The following BBX variants were observed in gnomAD, a reference collection of about 807,000 sequenced individuals.
The protein encoded by BBX is HMG box transcription factor BBX.
In BBX, 30 loss-of-function variants were observed where a neutral mutation model predicts 100.2. That is an observed-to-expected ratio of 0.30 (90% CI 0.22 to 0.41). The LOEUF is 0.41. Among genes scored for constraint, BBX ranks in the 10% least tolerant of loss-of-function variants. The pLI is 1.00. For missense variants in BBX, 1,023 were observed against 1,129.8 expected, an observed-to-expected ratio of 0.91 and a Z score of 1.35; for synonymous variants, 376 against 388.1, an observed-to-expected ratio of 0.97 and a Z score of 0.37.
At chr3:107,750,119 T>G (rs2064962643) in intron 9 of BBX, among the ~76,000 whole-genome samples, 1 of 152,122 alleles carries the variant, frequency 6.6e-6, no homozygotes, top group African/African-American at 2.4e-5. Flanking sequence ...TGAATGAGAT[T>G]TGGTCCTTGC....
intron 2 of BBX, among the ~76,000 whole-genome samples, chr3:107,628,247 G>T (rs1394500373): frequency 6.6e-6 from 1 of 151,926 alleles, no homozygotes; most frequent in African/African-American, 2.4e-5. Context: ...GTATAGAAAG[G>T]TATAAAGGAT....
At chr3:107,621,052 G>T (rs1235595192) in intron 2 of BBX, among the ~76,000 whole-genome samples, 1 of 152,098 alleles carries the variant, frequency 6.6e-6, no homozygotes, top group Non-Finnish European at 1.5e-5. Context: ...AGAAGTCTAG[G>T]TTTAGTCCTC....
At position 107,710,544 on chromosome 3, in the gene BBX, G is replaced by A. The variant is rs1056060103; in HGVS notation, c.84G>A (p.Trp28Ter). The A allele has an allele frequency of 4.3e-5, 69 of 1,613,706 alleles. No individual in the cohort carries two copies. Among genetic ancestry groups the A allele is most frequent in the Non-Finnish European group, 5.2e-5 (61 of 1,179,914 alleles). ...GKRPKRKCLQ[W>*]HPLLAKKLLD... ...GACCAAAACGAAAGTGTCTTCAGTG[G>A]CATCCATTGCTAGCAAAGAAACTTC... The change falls in exon 4 of 18, where the codon TGG becomes TGA. Residue 28 changes from tryptophan to a stop codon, truncating the protein, a stop_gained. Transcript: ENST00000325805. LOFTEE classifies it high-confidence loss of function.
At chr3:107,699,376 A>T (rs142216304) in intron 3 of BBX, among the ~76,000 whole-genome samples, 3 of 151,928 alleles carry the variant, frequency 2.0e-5, no homozygotes, top group Non-Finnish European at 4.4e-5. Flanking sequence ...GAATGAGCAA[A>T]GAAACATCAG....
chr3:107,747,758 T>G (rs1040846719), intron 8 of BBX, among the ~76,000 whole-genome samples: 1 of 152,064 alleles, frequency 6.6e-6, no homozygotes, highest in African/African-American at 2.4e-5. Context: ...TGAGCCATAC[T>G]CAGTCTTTGT....
At chr3:107,559,197 G>A (rs954755309) in intron 2 of BBX, among the ~76,000 whole-genome samples, 1 of 152,180 alleles carries the variant, frequency 6.6e-6, no homozygotes, top group African/African-American at 2.4e-5. Context: ...ACTGGGAAAT[G>A]ACGTAATCAG....
At chr3:107,608,436 T>C (rs1462137994) in intron 2 of BBX, among the ~76,000 whole-genome samples, 2 of 152,210 alleles carry the variant, frequency 1.3e-5, no homozygotes, top group East Asian at 3.8e-4. Flanking sequence ...GTGTTTGTTA[T>C]GCCAGCTCCA....
chr3:107,805,269 CT>C (rs2070970125), intron 17 of BBX, 100 bp from the exon 18 acceptor site: 3 of 1,250,190 alleles, frequency 2.4e-6, no homozygotes, highest in Non-Finnish European at 3.3e-6. Context: ...ACAGCAGTAA[CT>C]GTTAAACAAG....
At chr3:107,692,943 G>A (rs1350838458) in intron 3 of BBX, among the ~76,000 whole-genome samples, 1 of 150,326 alleles carries the variant, frequency 6.7e-6, no homozygotes, top group African/African-American at 2.5e-5. Flanking sequence ...TTTCTCTGAT[G>A]GCCAGTGATG....
chr3:107,549,450 C>T (rs2049493785), intron 2 of BBX, among the ~76,000 whole-genome samples: 2 of 152,120 alleles, frequency 1.3e-5, no homozygotes, highest in South Asian at 4.1e-4. Flanking sequence ...GGATCATACT[C>T]TCAGGAATTA....
At chr3:107,548,954 C>T (rs2049449353) in intron 2 of BBX, among the ~76,000 whole-genome samples, 1 of 152,036 alleles carries the variant, frequency 6.6e-6, no homozygotes, top group African/African-American at 2.4e-5. Flanking sequence ...ACACCATAGA[C>T]ATAAAGATGG....
intron 2 of BBX, chr3:107,638,645 C>G (rs1007448517): frequency 6.6e-6 from 1 of 151,596 alleles, no homozygotes; most frequent in Non-Finnish European, 1.5e-5. Context: ...TATGACCAGG[C>G]ACACTGGCTA....
At chr3:107,656,924 A>T (rs2058177819) in intron 3 of BBX, 1 of 152,250 alleles carries the variant, frequency 6.6e-6, no homozygotes, top group Admixed American at 6.5e-5. Context: ...TAACAGAAGT[A>T]TGGAAAGGTG....
chr3:107,595,130 A>G (rs2053592755), intron 2 of BBX, among the ~76,000 whole-genome samples: 1 of 152,220 alleles, frequency 6.6e-6, no homozygotes, highest in Non-Finnish European at 1.5e-5. Flanking sequence ...AGGCTGGACC[A>G]TCCATCTGGA....
At chr3:107,685,361 A>G (rs2059787542) in intron 3 of BBX, among the ~76,000 whole-genome samples, 1 of 152,164 alleles carries the variant, frequency 6.6e-6, no homozygotes, top group African/African-American at 2.4e-5. Context: ...GAGGGTAGTA[A>G]TTTGGGGCCA....
At chr3:107,643,350 A>C in intron 2 of BBX, among the ~76,000 whole-genome samples, 1 of 151,680 alleles carries the variant, frequency 6.6e-6, no homozygotes, top group Non-Finnish European at 1.5e-5. Flanking sequence ...ACCTGCCATT[A>C]TGAAGTTTCT....
intron 3 of BBX, among the ~76,000 whole-genome samples, chr3:107,655,116 G>A (rs957180566): frequency 5.3e-5 from 8 of 152,028 alleles, no homozygotes; most frequent in African/African-American, 1.2e-4. Context: ...CTTTCCTGAC[G>A]ATTTCATTAG....
intron 2 of BBX, among the ~76,000 whole-genome samples, chr3:107,578,201 A>G (rs951603187): frequency 2.0e-5 from 3 of 152,212 alleles, no homozygotes; most frequent in African/African-American, 7.2e-5. Context: ...CTTCTTTAAG[A>G]TAAACAGTAT....
intron 3 of BBX, among the ~76,000 whole-genome samples, chr3:107,689,036 G>GT (rs1223636648): frequency 2.6e-5 from 4 of 152,184 alleles, no homozygotes; most frequent in Admixed American, 2.0e-4. Flanking sequence ...ACAACGACAG[G>GT]TTTTCCTTAT....
Sources: gnomAD v4.1 joint callset for allele counts (sites outside exome capture counted in the v4.1 genomes callset) on GRCh38, gnomAD v4.1.1 for gene constraint, MANE v1.5 for transcripts, NCBI Gene and HGNC (gene_info 2026-07-23, HGNC 2026-07-21) for gene names.